The following CPQ variants were observed in gnomAD, a reference collection of about 807,000 sequenced individuals.
The protein encoded by CPQ is carboxypeptidase Q.
In CPQ, 37 loss-of-function variants were observed where a neutral mutation model predicts 45.7. That is an observed-to-expected ratio of 0.81 (90% CI 0.62 to 1.07). The LOEUF is 1.07. Ranked by LOEUF, CPQ falls within the 50% of genes least tolerant of loss-of-function variation. The pLI, the probability that CPQ is intolerant of heterozygous loss-of-function variation, is 0.00. For missense variants in CPQ, 537 were observed against 572.9 expected (o/e 0.94, Z 0.64); for synonymous variants, 186 against 205.8 (o/e 0.90, Z 0.82).
intron 1 of CPQ, among the ~76,000 whole-genome samples, chr8:96,783,169 C>T (rs1020460858): frequency 1.3e-5 from 2 of 152,102 alleles, no homozygotes; most frequent in Non-Finnish European, 2.9e-5. Flanking sequence ...GGCCTCTCCC[C>T]GTTACCCAAT....
At chr8:96,833,721 C>T (rs1020570288) in intron 2 of CPQ, among the ~76,000 whole-genome samples, 1 of 152,088 alleles carries the variant, frequency 6.6e-6, no homozygotes, top group Admixed American at 6.5e-5. Flanking sequence ...AAATTGAGTT[C>T]TCAGTGTTGG....
chr8:96,979,480 G>A (rs915900078), intron 5 of CPQ, among the ~76,000 whole-genome samples: 4 of 152,114 alleles, frequency 2.6e-5, no homozygotes, highest in African/African-American at 9.7e-5. Context: ...GGAAGTGATG[G>A]GGTTTCCAGG....
chr8:97,031,188 CTTT>C (rs36087951), intron 6 of CPQ, among the ~76,000 whole-genome samples: 3 of 130,626 alleles, frequency 2.3e-5, no homozygotes, highest in Admixed American at 7.8e-5. Flanking sequence ...AAGAACTATT[CTTT>C]TTTTTTTTTT....
In CPQ at chr8:96,824,883, G is replaced by A. The variant is rs577859617; in HGVS notation, c.434-10090G>A. On this transcript the variant is annotated intron_variant, in intron 2 of 7. Transcript: ENST00000220763. ...CCTGCTAAAGTGGATCATGAACAAT[G>A]TGGGATATTTAATTCAATTCAATTC... 2.6e-5 allele frequency among the ~76,000 whole-genome samples: 4 copies of A among 152,200 alleles called. No individual in the cohort carries two copies. In the South Asian group the frequency reaches 8.3e-4, roughly 32 times the overall value.
chr8:96,686,843 C>A (rs1809235099), intron 1 of CPQ, among the ~76,000 whole-genome samples: 1 of 152,010 alleles, frequency 6.6e-6, no homozygotes, highest in Non-Finnish European at 1.5e-5. Context: ...AGTAAATTGA[C>A]AATTTGTCCT....
chr8:96,646,385 A>G (rs1032251980), intron 1 of CPQ, among the ~76,000 whole-genome samples: 4 of 152,202 alleles, frequency 2.6e-5, no homozygotes, highest in African/African-American at 9.6e-5. Flanking sequence ...TTTCTTAAAG[A>G]TAAGGGTGAC....
intron 6 of CPQ, among the ~76,000 whole-genome samples, chr8:97,030,185 C>A (rs1809876118): frequency 6.6e-6 from 1 of 152,218 alleles, no homozygotes; most frequent in South Asian, 2.1e-4. Flanking sequence ...CAAAGAGGAA[C>A]TCCAAAATCA....
At chr8:96,927,180 C>T (rs1437118424) in intron 4 of CPQ, among the ~76,000 whole-genome samples, 1 of 152,180 alleles carries the variant, frequency 6.6e-6, no homozygotes, top group Non-Finnish European at 1.5e-5. Context: ...CCCTGTGTTC[C>T]TTCTGAGGGT....
chr8:97,044,892 C>T (rs1810208672), intron 6 of CPQ, among the ~76,000 whole-genome samples: 1 of 152,202 alleles, frequency 6.6e-6, no homozygotes, highest in Non-Finnish European at 1.5e-5. Context: ...CAGTCTGCCC[C>T]TACTGGGGGG....
chr8:97,133,568 A>G (rs1397608409), intron 7 of CPQ, among the ~76,000 whole-genome samples: 2 of 152,252 alleles, frequency 1.3e-5, no homozygotes, highest in Non-Finnish European at 2.9e-5. Context: ...GAATATCAGT[A>G]AGATGTTACA....
Position 97,066,207 on chromosome 8 carries a change from C to A in CPQ, c.1252C>A (p.Pro418Thr). Reference sequence around the variant, plus strand: ...CAACTTTTGGATCCAAGCTGGAGTGCCTGGTAAGACCAAAAGATGAAGTTG... The same window carrying A: ...CAACTTTTGGATCCAAGCTGGAGTGACTGGTAAGACCAAAAGATGAAGTTG... ...DINFWIQAGVPGASLLDDLYK... is the reference protein window; with the variant it reads ...DINFWIQAGVTGASLLDDLYK... Residue 418 changes from proline to threonine, a missense_variant, in exon 7 of 8, where the codon CCT (proline) becomes ACT (threonine). Coordinates refer to ENST00000220763, the MANE Select transcript of CPQ (RefSeq NM_016134.4). The A allele has an allele frequency of 6.2e-7, 1 of 1,607,058 alleles. No homozygotes were observed.
chr8:96,950,680 C>A (rs959448362), intron 4 of CPQ, among the ~76,000 whole-genome samples: 7 of 152,090 alleles, frequency 4.6e-5, no homozygotes, highest in Admixed American at 2.6e-4. Context: ...TACACCATAG[C>A]AATTGGACAT....
intron 7 of CPQ, among the ~76,000 whole-genome samples, chr8:97,137,145 A>G (rs925144842): frequency 5.3e-5 from 8 of 152,256 alleles, no homozygotes; most frequent in African/African-American, 1.9e-4. Context: ...ATGATATCTG[A>G]GGAAATGCCT....
intron 7 of CPQ, among the ~76,000 whole-genome samples, chr8:97,074,904 G>A (rs556290323): frequency 6.6e-6 from 1 of 152,200 alleles, no homozygotes; most frequent in Admixed American, 6.5e-5. Context: ...CAGGGCAGTG[G>A]GCAATGAGAA....
intron 1 of CPQ, among the ~76,000 whole-genome samples, chr8:96,717,654 A>G (rs1809700471): frequency 6.6e-6 from 1 of 152,084 alleles, no homozygotes; most frequent in Non-Finnish European, 1.5e-5. Context: ...AGGTACTCAG[A>G]CAATGGATTG....
intron 7 of CPQ, among the ~76,000 whole-genome samples, chr8:97,099,915 C>T (rs753200742): frequency 5.9e-5 from 9 of 152,072 alleles, no homozygotes; most frequent in Non-Finnish European, 8.8e-5. Context: ...ATAGAGTGAG[C>T]GGCTATCTCA....
At chr8:96,792,565 T>G (rs938638979) in intron 2 of CPQ, among the ~76,000 whole-genome samples, 11 of 152,200 alleles carry the variant, frequency 7.2e-5, no homozygotes, top group African/African-American at 2.4e-4. Flanking sequence ...GTATGCCATA[T>G]TATGTTATGT....
At chr8:96,967,454 A>G (rs755598360) in intron 5 of CPQ, among the ~76,000 whole-genome samples, 4 of 152,206 alleles carry the variant, frequency 2.6e-5, no homozygotes, top group African/African-American at 4.8e-5. Flanking sequence ...TAAAAATTGT[A>G]TCTTCTTTAA....
In CPQ at chr8:97,003,485, T is replaced by C. The variant is rs79903265; in HGVS notation, c.962-25918T>C. On this transcript the variant is annotated intron_variant, in intron 5 of 7. Coordinates refer to ENST00000220763, the MANE Select transcript of CPQ (RefSeq NM_016134.4). Reference sequence around the variant, plus strand: ...CACTATAAGCCCCTATATATTTCTCTTGAAGCCTGAAAGTCTTGACTTATT... The same window carrying C: ...CACTATAAGCCCCTATATATTTCTCCTGAAGCCTGAAAGTCTTGACTTATT... Among the ~76,000 whole-genome samples, 8 of 152,310 alleles carry C rather than the reference T, an allele frequency of 5.3e-5. No individual in the cohort carries two copies. The East Asian group carries it at 9.6e-4, about 18-fold the overall frequency.
Sources: allele counts gnomAD v4.1 joint callset (sites outside exome capture counted in the v4.1 genomes callset), GRCh38; gene constraint gnomAD v4.1.1; transcripts MANE v1.5; gene names NCBI Gene and HGNC (gene_info 2026-07-23, HGNC 2026-07-21).